Variants in TRAPPC13 observed in about 807,000 individuals in gnomAD.
The protein encoded by TRAPPC13 is REV7-interacting novel NHEJ regulator 1.
Under a neutral mutation model 54.0 loss-of-function variants are expected in TRAPPC13, and 39 were observed. That is an observed-to-expected ratio of 0.72 (90% CI 0.56 to 0.94). The LOEUF is 0.94. Among genes scored for constraint, TRAPPC13 ranks in the 40% least tolerant of loss-of-function variants. The probability of loss-of-function intolerance (pLI) is 0.00; values close to 1 mark genes in which losing one functional copy is unlikely to be tolerated. For synonymous variants in TRAPPC13, 148 were observed against 167.7 expected (o/e 0.88, Z 0.91); for missense variants, 386 against 488.1 (o/e 0.79, Z 1.97).
chr5:65,631,914 G>GAA (rs35020028), intron 1 of TRAPPC13, among the ~76,000 whole-genome samples: 108 of 143,902 alleles, frequency 7.5e-4, no homozygotes, highest in East Asian at 3.7e-3. Context: ...AGGACACTAA[G>GAA]AAAAAAAAAA....
intron 7 of TRAPPC13, 78 bp downstream of exon 7, chr5:65,652,623 C>A: frequency 9.6e-7 from 1 of 1,040,272 alleles, no homozygotes; most frequent in South Asian, 1.3e-5. Flanking sequence ...ATATACATTT[C>A]TAATACTGAA....
At chr5:65,649,625 A>G (rs1354492592) in intron 5 of TRAPPC13, among the ~76,000 whole-genome samples, 2 of 152,240 alleles carry the variant, frequency 1.3e-5, no homozygotes, top group African/African-American at 4.8e-5. Flanking sequence ...ACTGTGATTT[A>G]ACTGTGTATT....
rs756318006 is a variant in TRAPPC13 at position 65,660,795 on chromosome 5, A to G, written c.795A>G (p.Ala265=). 4 of 1,613,716 alleles carry G rather than the reference A, an allele frequency of 2.5e-6. No homozygotes were observed. The highest frequency in any genetic ancestry group is 3.4e-6 in the Non-Finnish European group (4 of 1,179,778). ...CAAAGAATGAATTTGCAGAAAAAGC[A>G]GGCATCATTAAGGGAGTAACAGTAA... The part of the protein sequence containing the change: ...LKPKNEFAEK[A]GIIKGVTVIG... Residue 265 remains alanine (A), a synonymous_variant, in exon 10 of 13, where the codon GCA becomes GCG. Transcript: ENST00000399438.
At chr5:65,639,668 T>A (rs1197863375) in intron 4 of TRAPPC13, among the ~76,000 whole-genome samples, 1 of 152,048 alleles carries the variant, frequency 6.6e-6, no homozygotes, top group Non-Finnish European at 1.5e-5. Context: ...AAAAATTAAA[T>A]AAAAAACAGC....
intron 1 of TRAPPC13, chr5:65,629,760 C>T: frequency 6.5e-7 from 1 of 1,536,060 alleles, no homozygotes; most frequent in Non-Finnish European, 8.7e-7. Context: ...AGATCACCAC[C>T]TGTGATTTCT....
Position 65,664,795 on chromosome 5 carries a change from A to G in TRAPPC13, c.*184A>G. ...GATTTTATCTTGTAATTTATATTTGAAATGAACATGTGTATATTTTCTACA... is the reference window on the plus strand; with the variant it reads ...GATTTTATCTTGTAATTTATATTTGGAATGAACATGTGTATATTTTCTACA... On this transcript the variant is annotated 3_prime_UTR_variant, in exon 13 of 13. Transcript: ENST00000399438. 1 of 593,662 alleles carries G rather than the reference A, an allele frequency of 1.7e-6. No individual in the cohort carries two copies. The highest frequency in any genetic ancestry group is 2.9e-6 in the Non-Finnish European group (1 of 340,204). The allele number at this position is 593,662 out of a possible 1,614,324, so 36.8% of individuals were successfully genotyped here.
At chr5:65,634,888 G>T in intron 1 of TRAPPC13, 1 of 702,596 alleles carries the variant, frequency 1.4e-6, no homozygotes, top group Non-Finnish European at 1.7e-6. Context: ...GACAGAGTAA[G>T]CCTGTCTCAA....
intron 1 of TRAPPC13, chr5:65,625,338 C>T: frequency 2.2e-6 from 1 of 452,470 alleles, no homozygotes; most frequent in South Asian, 4.1e-5. Flanking sequence ...ATCTGTGCTG[C>T]TTCAGTCACG....
chr5:65,633,764 T>C (rs1755635916), intron 1 of TRAPPC13, among the ~76,000 whole-genome samples: 1 of 151,992 alleles, frequency 6.6e-6, no homozygotes, highest in Admixed American at 6.5e-5. Context: ...ATAATAAATA[T>C]TCAATTTCTT....
intron 4 of TRAPPC13, among the ~76,000 whole-genome samples, chr5:65,639,904 G>T (rs576362900): frequency 1.3e-5 from 2 of 152,208 alleles, no homozygotes; most frequent in Admixed American, 6.5e-5. Context: ...TGTAAAACCT[G>T]TCTTAGAGTG....
intron 4 of TRAPPC13, among the ~76,000 whole-genome samples, chr5:65,641,889 A>G (rs572775711): frequency 4.2e-5 from 6 of 144,568 alleles, no homozygotes; most frequent in African/African-American, 7.7e-5. Context: ...TTTTTTTCCT[A>G]TGAATATAGT....
At chr5:65,653,742 A>G (rs1275854649) in intron 7 of TRAPPC13, among the ~76,000 whole-genome samples, 1 of 152,216 alleles carries the variant, frequency 6.6e-6, no homozygotes, top group Non-Finnish European at 1.5e-5. Flanking sequence ...TATCAAGTAC[A>G]TAGGAAAGAG....
At chr5:65,642,948 A>G (rs891972918) in intron 4 of TRAPPC13, among the ~76,000 whole-genome samples, 1 of 152,238 alleles carries the variant, frequency 6.6e-6, no homozygotes, top group African/African-American at 2.4e-5. Context: ...CCTACTGTAC[A>G]ACAGTAAAGA....
At chr5:65,641,264 T>G (rs948431808) in intron 4 of TRAPPC13, among the ~76,000 whole-genome samples, 5 of 152,264 alleles carry the variant, frequency 3.3e-5, no homozygotes, top group Non-Finnish European at 7.4e-5. Context: ...CAGAATCACT[T>G]AAGAGGATAT....
At chr5:65,655,809 C>T (rs1358466636) in intron 8 of TRAPPC13, among the ~76,000 whole-genome samples, 156 bp downstream of exon 8, 1 of 151,952 alleles carries the variant, frequency 6.6e-6, no homozygotes, top group East Asian at 1.9e-4. Flanking sequence ...ATTTTATGTA[C>T]TTTTTAATTA....
intron 7 of TRAPPC13, among the ~76,000 whole-genome samples, chr5:65,654,325 A>T (rs1756573870): frequency 6.6e-6 from 1 of 152,188 alleles, no homozygotes; most frequent in African/African-American, 2.4e-5. Flanking sequence ...TATAATCACG[A>T]CAATTTTGTT....
In TRAPPC13 at chr5:65,647,092, C is replaced by A; in HGVS notation, c.338C>A (p.Ser113Ter). Reference protein sequence around the residue: ...LQTSSQRLNLSASNAAVAELK... With the variant: ...LQTSSQRLNL ...ACAAGTTCTCAGCGTTTAAATCTTT[C>A]AGCCTCCAATGCTGCAGTGGCTGAA... is the stretch of plus-strand genomic sequence containing the variant. The change falls in exon 5 of 13, where the codon TCA becomes TAA. Residue 113 changes from serine to a stop codon, truncating the protein, a stop_gained. Coordinates refer to ENST00000399438, the MANE Select transcript of TRAPPC13 (RefSeq NM_024941.4). LOFTEE classifies it high-confidence loss of function. The A allele has an allele frequency of 6.4e-7, 1 of 1,552,614 alleles. No individual in the cohort carries two copies. The highest frequency in any genetic ancestry group is 8.7e-7 in the Non-Finnish European group (1 of 1,147,278).
intron 5 of TRAPPC13, 96 bp from the exon 6 acceptor site, chr5:65,650,712 TAA>T (rs1469595788): frequency 4.5e-6 from 4 of 897,140 alleles, no homozygotes; most frequent in African/African-American, 1.7e-5. Flanking sequence ...ACCATAGATA[TAA>T]GTGTTTTCCA....
In TRAPPC13 at chr5:65,660,733, C is replaced by A; in HGVS notation, c.733C>A (p.Pro245Thr). The part of the protein sequence containing the change: ...STFGSRAYLQ[P>T]MDTRQYLYCL... ...GTTTGGGTCAAGAGCATATTTGCAA[C>A]CAATGGATACACGCCAGTACTTATA... Residue 245 changes from proline to threonine, a missense_variant, in exon 10 of 13, where the codon CCA becomes ACA. Coordinates refer to ENST00000399438, the MANE Select transcript of TRAPPC13 (RefSeq NM_024941.4). The A allele has an allele frequency of 6.2e-7, 1 of 1,611,488 alleles. No homozygotes were observed. Among genetic ancestry groups the A allele is most frequent in the Non-Finnish European group, 8.5e-7 (1 of 1,178,742 alleles).
Sources: allele counts gnomAD v4.1 joint callset (sites outside exome capture counted in the v4.1 genomes callset), GRCh38; gene constraint gnomAD v4.1.1; transcripts MANE v1.5; gene names NCBI Gene and HGNC (gene_info 2026-07-23, HGNC 2026-07-21).